Variants in NSMCE2 observed in about 807,000 individuals in gnomAD.
NSMCE2 encodes NSE2 SUMO ligase component of SMC5/6 complex, also known as E3 SUMO-protein ligase NSE2.
Under a neutral mutation model 23.8 loss-of-function variants are expected in NSMCE2, and 24 were observed. The observed-to-expected ratio is 1.01, with a 90% CI of 0.73 to 1.42. The LOEUF (loss-of-function observed/expected upper bound fraction) is 1.42, where lower values mean the gene tolerates loss of function less well. Ranked by LOEUF, NSMCE2 falls within the 40% of genes most tolerant of loss-of-function variation. The pLI is 0.00. For synonymous variants in NSMCE2, 92 were observed against 94.1 expected, an observed-to-expected ratio of 0.98 and a Z score of 0.13; for missense variants, 284 against 296.5, an observed-to-expected ratio of 0.96 and a Z score of 0.31.
At chr8:125,132,396 C>T (rs1240080285) in intron 3 of NSMCE2, among the ~76,000 whole-genome samples, 2 of 152,156 alleles carry the variant, frequency 1.3e-5, no homozygotes, top group African/African-American at 4.8e-5. Flanking sequence ...TGTTCATATT[C>T]TTCTGTGTTC....
At chr8:125,276,312 C>T (rs1292502038) in intron 5 of NSMCE2, among the ~76,000 whole-genome samples, 1 of 152,154 alleles carries the variant, frequency 6.6e-6, no homozygotes, top group Non-Finnish European at 1.5e-5. Flanking sequence ...GATTTGCTTC[C>T]AACTTGCTGT....
Position 125,346,153 on chromosome 8 carries a change from G to A in NSMCE2, c.419-11066G>A, listed in dbSNP as rs111243411. On this transcript the variant is annotated intron_variant, in intron 5 of 7. Coordinates refer to ENST00000287437, the MANE Select transcript of NSMCE2 (RefSeq NM_173685.4). ...GCCTGGGCTACAAGAGCGAAACTCC[G>A]TCTCAAAAAAAAAAAAGAAGGCCAT... is the stretch of plus-strand genomic sequence containing the variant. Among the ~76,000 whole-genome samples, 953 of 150,842 alleles carry A rather than the reference G, an allele frequency of 6.3e-3. 9 individuals are homozygous for A. The highest frequency in any genetic ancestry group is 0.022 in the African/African-American group (907 of 41,114).
chr8:125,356,108 A>G (rs773451662), intron 5 of NSMCE2, among the ~76,000 whole-genome samples: 1 of 152,130 alleles, frequency 6.6e-6, no homozygotes, highest in Non-Finnish European at 1.5e-5. Flanking sequence ...AGGATATGTG[A>G]TATTGTGACA....
Position 125,254,028 on chromosome 8 carries a change from A to G in NSMCE2, c.418+71772A>G, listed in dbSNP as rs953851278. 3.9e-5 allele frequency among the ~76,000 whole-genome samples: 6 copies of G among 152,166 alleles called. No homozygotes were observed. The East Asian group carries it at 9.6e-4, about 24-fold the overall frequency. ...CAAATATTTGTCTAAGTGTGTTTCT[A>G]AGGGCTGTAACTAAGCATCTCTCTT... On this transcript the variant is annotated intron_variant, in intron 5 of 7. Coordinates refer to ENST00000287437, the MANE Select transcript of NSMCE2 (RefSeq NM_173685.4).
intron 5 of NSMCE2, chr8:125,348,495 T>C (rs950953953): frequency 7.2e-5 from 11 of 152,180 alleles, no homozygotes; most frequent in African/African-American, 1.4e-4. Flanking sequence ...TTGGAACTTA[T>C]ATGGTTTGGC....
At chr8:125,307,177 AT>A (rs1249293014) in intron 5 of NSMCE2, among the ~76,000 whole-genome samples, 1 of 152,168 alleles carries the variant, frequency 6.6e-6, no homozygotes, top group Non-Finnish European at 1.5e-5. Context: ...TGGGTAGTCA[AT>A]TTCAAGCCCC....
At chr8:125,216,676 A>C (rs1824601925) in intron 5 of NSMCE2, among the ~76,000 whole-genome samples, 1 of 150,914 alleles carries the variant, frequency 6.6e-6, no homozygotes, top group Non-Finnish European at 1.5e-5. Context: ...GGGCAAATGC[A>C]CAATGTCATG....
chr8:125,262,147 C>T (rs536335574), intron 5 of NSMCE2, among the ~76,000 whole-genome samples: 3 of 147,872 alleles, frequency 2.0e-5, no homozygotes, highest in South Asian at 2.2e-4. Flanking sequence ...TTGTATAGGC[C>T]GGGTGCGATG....
intron 4 of NSMCE2, among the ~76,000 whole-genome samples, chr8:125,173,221 T>G (rs978109357): frequency 6.6e-6 from 1 of 152,212 alleles, no homozygotes; most frequent in Non-Finnish European, 1.5e-5. Flanking sequence ...TATTGTTGAG[T>G]CCCTTGGTGA....
chr8:125,276,158 T>A (rs1296880175), intron 5 of NSMCE2, among the ~76,000 whole-genome samples: 1 of 152,118 alleles, frequency 6.6e-6, no homozygotes, highest in Non-Finnish European at 1.5e-5. Context: ...GAATGCCCAG[T>A]CCACCACTCA....
intron 5 of NSMCE2, among the ~76,000 whole-genome samples, chr8:125,221,993 A>G (rs1388172810): frequency 6.6e-6 from 1 of 152,184 alleles, no homozygotes; most frequent in Non-Finnish European, 1.5e-5. Flanking sequence ...TATATTATAA[A>G]TATTCACCTT....
chr8:125,252,829 A>G (rs1219603362), intron 5 of NSMCE2, among the ~76,000 whole-genome samples: 3 of 152,256 alleles, frequency 2.0e-5, no homozygotes, highest in Non-Finnish European at 2.9e-5. Context: ...TATCTGTTAG[A>G]TGGGTAGTTC....
intron 3 of NSMCE2, among the ~76,000 whole-genome samples, chr8:125,112,734 T>C (rs1043269986): frequency 6.6e-6 from 1 of 151,824 alleles, no homozygotes; most frequent in Admixed American, 6.6e-5. Flanking sequence ...TACCAAGGGA[T>C]TGGGGAAGGG....
chr8:125,355,960 C>T (rs1813255645), intron 5 of NSMCE2, among the ~76,000 whole-genome samples: 1 of 152,122 alleles, frequency 6.6e-6, no homozygotes, highest in Admixed American at 6.5e-5. Context: ...TCTCAAAGTG[C>T]AGGCCAGGGA....
chr8:125,285,223 C>G (rs1426696622), intron 5 of NSMCE2, among the ~76,000 whole-genome samples: 1 of 152,152 alleles, frequency 6.6e-6, no homozygotes, highest in African/African-American at 2.4e-5. Context: ...CTGGTCCATT[C>G]CCACTTGCCA....
chr8:125,312,112 A>G (rs1828997114), intron 5 of NSMCE2, among the ~76,000 whole-genome samples: 1 of 151,490 alleles, frequency 6.6e-6, no homozygotes, highest in South Asian at 2.1e-4. Flanking sequence ...AGAAAAGAAG[A>G]TAATGATAAG....
chr8:125,177,293 A>G (rs962082567), intron 4 of NSMCE2, among the ~76,000 whole-genome samples: 3 of 152,170 alleles, frequency 2.0e-5, no homozygotes, highest in Non-Finnish European at 4.4e-5. Flanking sequence ...AAGAATTTCA[A>G]CCCAGAGTGG....
intron 5 of NSMCE2, among the ~76,000 whole-genome samples, chr8:125,354,162 C>T (rs189898151): frequency 6.6e-6 from 1 of 151,966 alleles, no homozygotes; most frequent in South Asian, 2.1e-4. Context: ...GAACTCCTGA[C>T]CTCAGGTGAT....
At chr8:125,347,954 G>A (rs116290799) in intron 5 of NSMCE2, among the ~76,000 whole-genome samples, 4,226 of 152,288 alleles carry the variant, frequency 0.028, 83 homozygotes, top group African/African-American at 0.055. Flanking sequence ...GAAAATGTAC[G>A]CTGAAAGATC....
Sources: gnomAD v4.1 joint callset for allele counts (sites outside exome capture counted in the v4.1 genomes callset) on GRCh38, gnomAD v4.1.1 for gene constraint, MANE v1.5 for transcripts, NCBI Gene and HGNC (gene_info 2026-07-23, HGNC 2026-07-21) for gene names.